COL11A1: variants seen among roughly 807,000 people sequenced by gnomAD.
The protein encoded by COL11A1 is collagen alpha-1(XI) chain.
A neutral mutation model predicts 265.2 loss-of-function variants in COL11A1; 74 were observed. The ratio of observed to expected loss-of-function variants is 0.28; its 90% CI spans 0.23 to 0.34. The LOEUF (loss-of-function observed/expected upper bound fraction) is 0.34, where lower values mean the gene tolerates loss of function less well. Ranked by LOEUF, COL11A1 falls within the 10% of genes least tolerant of loss-of-function variation. The pLI, the probability that COL11A1 is intolerant of heterozygous loss-of-function variation, is 1.00. For missense variants in COL11A1, 2,165 were observed against 2,263.6 expected, an observed-to-expected ratio of 0.96 and a Z score of 0.88; for synonymous variants, 816 against 727.6, an observed-to-expected ratio of 1.12 and a Z score of -1.96.
chr1:103,048,602 G>C (rs1463292931), intron 4 of COL11A1, among the ~76,000 whole-genome samples: 3 of 152,072 alleles, frequency 2.0e-5, no homozygotes, highest in African/African-American at 7.2e-5. Flanking sequence ...ATTTCCTTCA[G>C]TTCTGCTCTA....
chr1:103,025,678 G>T (rs1235333524), intron 6 of COL11A1, 65 bp from the exon 7 acceptor site: 15 of 1,567,408 alleles, frequency 9.6e-6, no homozygotes, highest in Middle Eastern at 3.4e-4. Context: ...TGGAAATCAT[G>T]ATTTAATTGG....
At chr1:103,073,464 T>C (rs1055717354) in intron 4 of COL11A1, among the ~76,000 whole-genome samples, 1 of 151,814 alleles carries the variant, frequency 6.6e-6, no homozygotes, top group African/African-American at 2.4e-5. Flanking sequence ...GTGCATGCAA[T>C]CAGTGTTGGA....
chr1:103,096,030 T>C (rs1189375980), intron 1 of COL11A1, among the ~76,000 whole-genome samples: 1 of 152,000 alleles, frequency 6.6e-6, no homozygotes, highest in Non-Finnish European at 1.5e-5. Context: ...CTGGATTTTA[T>C]TCTAAATGAG....
At chr1:102,976,221 C>T (rs2061704) in intron 35 of COL11A1, among the ~76,000 whole-genome samples, 92,818 of 149,698 alleles carry the variant, frequency 0.62, 30,785 homozygotes, top group East Asian at 0.91. Context: ...AAGAAACATT[C>T]CAAAAATCAT....
chr1:102,898,608 T>G, intron 56 of COL11A1, 58 bp downstream of exon 56: 1 of 1,439,610 alleles, frequency 6.9e-7, no homozygotes. Context: ...TCATTCAAAA[T>G]TTTTTTAAAA....
chr1:103,074,425 A>G lies in COL11A1; in HGVS notation c.651+193T>C, dbSNP rs7522293. 0.6 allele frequency among the ~76,000 whole-genome samples: 91,685 copies of G among 151,958 alleles called. 28,619 individuals carry two copies. The highest frequency in any genetic ancestry group is 0.92 in the East Asian group (4,753 of 5,158). ...TAAATGTTTCCCAGGCGTTACGGTCACCATTGTCTGGTCATTCTCTTACTG... is the reference window on the plus strand; with the variant it reads ...TAAATGTTTCCCAGGCGTTACGGTCGCCATTGTCTGGTCATTCTCTTACTG... On this transcript the variant is annotated intron_variant, in intron 4 of 66. Coordinates refer to ENST00000370096, the MANE Select transcript of COL11A1 (RefSeq NM_001854.4).
intron 41 of COL11A1, among the ~76,000 whole-genome samples, chr1:102,950,219 G>T (rs1659742083): frequency 6.6e-6 from 1 of 152,166 alleles, no homozygotes; most frequent in Admixed American, 6.5e-5. Flanking sequence ...GGAGGTCAAG[G>T]CTGCAGTGAG....
At chr1:103,040,990 T>C (rs964801637) in intron 4 of COL11A1, among the ~76,000 whole-genome samples, 3 of 151,836 alleles carry the variant, frequency 2.0e-5, no homozygotes, top group South Asian at 2.1e-4. Context: ...TTATTTTTAA[T>C]GTGCTTTTTA....
chr1:102,924,979 A>C (rs1656428305), intron 46 of COL11A1, among the ~76,000 whole-genome samples: 1 of 151,774 alleles, frequency 6.6e-6, no homozygotes, highest in Non-Finnish European at 1.5e-5. Context: ...TTTAGTGTAT[A>C]ATTATTTATA....
intron 41 of COL11A1, among the ~76,000 whole-genome samples, chr1:102,952,660 A>G (rs1660003081): frequency 6.6e-6 from 1 of 152,202 alleles, no homozygotes; most frequent in African/African-American, 2.4e-5. Context: ...TTCTTTTTCT[A>G]TTAGTTACTT....
intron 41 of COL11A1, among the ~76,000 whole-genome samples, chr1:102,955,973 A>T (rs865794920): frequency 2.6e-5 from 4 of 152,264 alleles, no homozygotes; most frequent in Non-Finnish European, 5.9e-5. Flanking sequence ...AACATCACGT[A>T]TACAGGGAAC....
chr1:103,078,354 G>A (rs759916317), intron 3 of COL11A1, among the ~76,000 whole-genome samples: 2 of 151,998 alleles, frequency 1.3e-5, no homozygotes, highest in Admixed American at 6.6e-5. Flanking sequence ...TTCTTAGTGG[G>A]ATTTGGCTTG....
At chr1:102,910,985 G>C (rs2101009289) in intron 54 of COL11A1, among the ~76,000 whole-genome samples, 1 of 152,246 alleles carries the variant, frequency 6.6e-6, no homozygotes, top group South Asian at 2.1e-4. Context: ...ATAATAGACA[G>C]CTATGCATCA....
chr1:102,964,818 A>T (rs1345094487), intron 38 of COL11A1, among the ~76,000 whole-genome samples: 2 of 152,202 alleles, frequency 1.3e-5, no homozygotes. Context: ...TGTTCTGCCC[A>T]TTCAATATGC....
intron 4 of COL11A1, among the ~76,000 whole-genome samples, chr1:103,060,598 A>T (rs1670596403): frequency 6.6e-6 from 1 of 152,188 alleles, no homozygotes; most frequent in African/African-American, 2.4e-5. Flanking sequence ...TTTATAAGAT[A>T]CTTGCTTGCA....
intron 1 of COL11A1, 95 bp from the exon 2 acceptor site, chr1:103,083,067 C>A: frequency 3.3e-6 from 4 of 1,223,544 alleles, no homozygotes; most frequent in South Asian, 1.4e-5. Flanking sequence ...CATTTCATAC[C>A]TTGAATCTAT....
chr1:103,104,312 A>G (rs1352197868), intron 1 of COL11A1, among the ~76,000 whole-genome samples: 1 of 152,040 alleles, frequency 6.6e-6, no homozygotes, highest in Non-Finnish European at 1.5e-5. Context: ...TCTTTATACA[A>G]TTTTCTTAGC....
At chr1:103,092,960 A>T (rs564703526) in intron 1 of COL11A1, among the ~76,000 whole-genome samples, 1 of 152,032 alleles carries the variant, frequency 6.6e-6, no homozygotes, top group Non-Finnish European at 1.5e-5. Flanking sequence ...CATAAGGATC[A>T]TTGTTCCAAA....
intron 49 of COL11A1, among the ~76,000 whole-genome samples, chr1:102,917,058 A>G (rs919469194): frequency 1.3e-5 from 2 of 151,774 alleles, no homozygotes; most frequent in Non-Finnish European, 3.0e-5. Flanking sequence ...TAGAAAAAAA[A>G]CCTAAAATTC....
Sources: gnomAD v4.1 joint callset for allele counts (sites outside exome capture counted in the v4.1 genomes callset) on GRCh38, gnomAD v4.1.1 for gene constraint, MANE v1.5 for transcripts, NCBI Gene and HGNC (gene_info 2026-07-23, HGNC 2026-07-21) for gene names.